Variants in DSCAM observed in about 807,000 individuals in gnomAD.
DSCAM encodes the protein cell adhesion molecule DSCAM.
In DSCAM, 47 loss-of-function variants were observed where a neutral mutation model predicts 217.7. That is an observed-to-expected ratio of 0.22 (90% confidence interval 0.17 to 0.28). The LOEUF (loss-of-function observed/expected upper bound fraction) is 0.28, where lower values mean the gene tolerates loss of function less well. DSCAM is among the 10% of genes least tolerant of loss of function. The probability of loss-of-function intolerance (pLI) is 1.00; values close to 1 mark genes in which losing one functional copy is unlikely to be tolerated. For synonymous variants in DSCAM, 1,056 were observed against 1,015.3 expected (o/e 1.04, Z -0.76); for missense variants, 2,080 against 2,618.3 (o/e 0.79, Z 4.49).
At chr21:40,373,088 T>A (rs889528296) in intron 3 of DSCAM, among the ~76,000 whole-genome samples, 2 of 152,142 alleles carry the variant, frequency 1.3e-5, no homozygotes, top group African/African-American at 4.8e-5. Flanking sequence ...AAAACACTCA[T>A]AGAGCAGTGG....
chr21:40,383,916 T>C (rs1412364616), intron 3 of DSCAM: 1 of 152,218 alleles, frequency 6.6e-6, no homozygotes, highest in Non-Finnish European at 1.5e-5. Flanking sequence ...GACAAAGATT[T>C]GAGAAGTACT....
At chr21:40,671,466 G>A (rs1044657721) in intron 3 of DSCAM, among the ~76,000 whole-genome samples, 1 of 151,994 alleles carries the variant, frequency 6.6e-6, no homozygotes. Context: ...ACGAGGCCAG[G>A]AGTTCGAGAC....
chr21:40,569,610 C>G (rs1441679590), intron 3 of DSCAM, among the ~76,000 whole-genome samples: 1 of 152,172 alleles, frequency 6.6e-6, no homozygotes, highest in African/African-American at 2.4e-5. Context: ...ATTGCCAATT[C>G]CTAAAAACAC....
In DSCAM at chr21:40,415,881, G is replaced by A. The variant is rs374653000; in HGVS notation, c.509-46636C>T. Among the ~76,000 whole-genome samples, 206 of 152,218 alleles carry A rather than the reference G, an allele frequency of 1.4e-3. 1 individual carries two copies. Among genetic ancestry groups the A allele is most frequent in the African/African-American group, 4.4e-3 (181 of 41,532 alleles). ...CGGCACCATCATGTCATGCATCGCT[G>A]TCATCATTATCCATTTTTATTAATG... On this transcript the variant is annotated intron_variant, in intron 3 of 32. Transcript: ENST00000400454.
chr21:40,257,730 G>A (rs1408359777), intron 11 of DSCAM, among the ~76,000 whole-genome samples: 2 of 151,946 alleles, frequency 1.3e-5, no homozygotes, highest in African/African-American at 2.4e-5. Context: ...GACAACTCAG[G>A]ACTTCCAAAC....
intron 6 of DSCAM, among the ~76,000 whole-genome samples, chr21:40,341,830 G>A (rs927665427): frequency 3.3e-5 from 5 of 151,990 alleles, no homozygotes; most frequent in East Asian, 3.9e-4. Context: ...AATATCCCTC[G>A]TCACTGTTTT....
intron 6 of DSCAM, among the ~76,000 whole-genome samples, chr21:40,344,037 TAC>T (rs2074530688): frequency 6.6e-6 from 1 of 152,040 alleles, no homozygotes; most frequent in African/African-American, 2.4e-5. Context: ...TAGCTGGGAT[TAC>T]AGGCACATGC....
In DSCAM at chr21:40,141,666, C is replaced by CG. The variant is rs555883971; in HGVS notation, c.3406+891dup. Among the ~76,000 whole-genome samples, 56 of 151,796 alleles carry CG rather than the reference C, an allele frequency of 3.7e-4. No individual in the cohort carries two copies. The South Asian group carries it at 7.7e-3, about 21-fold the overall frequency. On this transcript the variant is annotated intron_variant, in intron 18 of 32. Coordinates refer to ENST00000400454, the MANE Select transcript of DSCAM (RefSeq NM_001389.5). ...CAAGAGGGAAGGTACTGTCCAGTGA[C>CG]GGGGGGTGCAGGAGGGGGCTGGAAA...
At chr21:40,608,585 G>T (rs1039803311) in intron 3 of DSCAM, among the ~76,000 whole-genome samples, 1 of 152,164 alleles carries the variant, frequency 6.6e-6, no homozygotes, top group African/African-American at 2.4e-5. Flanking sequence ...TAGTGTGCTT[G>T]TATGCGTTGT....
At chr21:40,302,310 G>A (rs972348423) in intron 9 of DSCAM, among the ~76,000 whole-genome samples, 1 of 152,092 alleles carries the variant, frequency 6.6e-6, no homozygotes, top group Non-Finnish European at 1.5e-5. Context: ...TTCCCATGCT[G>A]TTCTCGTGAT....
intron 14 of DSCAM, among the ~76,000 whole-genome samples, chr21:40,181,083 C>T (rs1395413967): frequency 6.6e-6 from 1 of 152,176 alleles, no homozygotes; most frequent in Non-Finnish European, 1.5e-5. Context: ...CATCCTCACC[C>T]TCCTGTCCGT....
At chr21:40,225,759 A>G (rs1431453410) in intron 11 of DSCAM, among the ~76,000 whole-genome samples, 1 of 152,130 alleles carries the variant, frequency 6.6e-6, no homozygotes, top group Non-Finnish European at 1.5e-5. Flanking sequence ...AAAGGTAACA[A>G]TACTTTTCCC....
chr21:40,423,155 T>C (rs1268580472), intron 3 of DSCAM, among the ~76,000 whole-genome samples: 1 of 152,158 alleles, frequency 6.6e-6, no homozygotes, highest in African/African-American at 2.4e-5. Flanking sequence ...ATCGCCTGGG[T>C]AATTTATGTA....
chr21:40,755,760 T>A (rs2837811), intron 1 of DSCAM, among the ~76,000 whole-genome samples: 2 of 152,020 alleles, frequency 1.3e-5, no homozygotes, highest in African/African-American at 2.4e-5. Flanking sequence ...TGCTCATACA[T>A]CTTGAAATGA....
chr21:40,172,497 C>T (rs1292631827), intron 15 of DSCAM, among the ~76,000 whole-genome samples: 1 of 152,214 alleles, frequency 6.6e-6, no homozygotes, highest in African/African-American at 2.4e-5. Context: ...CTGATCCTTC[C>T]TGGCTACGCT....
At chr21:40,430,828 C>G (rs1343525189) in intron 3 of DSCAM, among the ~76,000 whole-genome samples, 2 of 152,148 alleles carry the variant, frequency 1.3e-5, no homozygotes, top group East Asian at 3.9e-4. Context: ...AATGAGATAC[C>G]GTGTGCGACG....
At chr21:40,648,375 C>T (rs1198091339) in intron 3 of DSCAM, among the ~76,000 whole-genome samples, 1 of 151,970 alleles carries the variant, frequency 6.6e-6, no homozygotes, top group Admixed American at 6.6e-5. Flanking sequence ...GGTGATCTCT[C>T]GTTTGGGCAG....
chr21:40,518,607 TAC>T (rs200677204), intron 3 of DSCAM, among the ~76,000 whole-genome samples: 3 of 109,554 alleles, frequency 2.7e-5, no homozygotes, highest in African/African-American at 4.1e-5. Flanking sequence ...CATATATACA[TAC>T]ACACACATAT....
At chr21:40,234,250 G>A (rs1214021155) in intron 11 of DSCAM, among the ~76,000 whole-genome samples, 1 of 152,130 alleles carries the variant, frequency 6.6e-6, no homozygotes, top group Non-Finnish European at 1.5e-5. Context: ...TCCAAGTTGT[G>A]AAGATCTACA....
Sources: gnomAD v4.1 joint callset for allele counts (sites outside exome capture counted in the v4.1 genomes callset) on GRCh38, gnomAD v4.1.1 for gene constraint, MANE v1.5 for transcripts, NCBI Gene and HGNC (gene_info 2026-07-23, HGNC 2026-07-21) for gene names.